Variants in PLCL2 observed in about 807,000 individuals in gnomAD.
PLCL2 encodes the protein phospholipase C like 2.
Under a neutral mutation model 79.6 loss-of-function variants are expected in PLCL2, and 4 were observed. The ratio of observed to expected loss-of-function variants is 0.05; its 90% CI spans 0.02 to 0.11. The LOEUF (loss-of-function observed/expected upper bound fraction) is 0.11, where lower values mean the gene tolerates loss of function less well. Ranked by LOEUF, PLCL2 falls within the 10% of genes least tolerant of loss-of-function variation. PLCL2 has a pLI of 1.00. For missense variants in PLCL2, 895 were observed against 1,291.0 expected, an observed-to-expected ratio of 0.69 and a Z score of 4.70; for synonymous variants, 484 against 457.7, an observed-to-expected ratio of 1.06 and a Z score of -0.73.
intron 1 of PLCL2, among the ~76,000 whole-genome samples, chr3:17,001,624 G>A (rs902065157): frequency 2.0e-5 from 3 of 152,020 alleles, no homozygotes; most frequent in Non-Finnish European, 4.4e-5. Context: ...TTTCCTTAAT[G>A]TATGTTCTTG....
chr3:16,993,710 CT>C (rs1325168505), intron 1 of PLCL2, among the ~76,000 whole-genome samples: 1 of 152,118 alleles, frequency 6.6e-6, no homozygotes, highest in Non-Finnish European at 1.5e-5. Flanking sequence ...CATTATAATA[CT>C]TTTATGTAAA....
At chr3:17,088,488 A>G (rs962955122) in intron 5 of PLCL2, among the ~76,000 whole-genome samples, 2 of 152,220 alleles carry the variant, frequency 1.3e-5, no homozygotes, top group African/African-American at 4.8e-5. Context: ...GTGTAAGTAG[A>G]AAAAACTGTT....
At chr3:16,923,647 A>G (rs1697176414) in intron 1 of PLCL2, among the ~76,000 whole-genome samples, 1 of 151,866 alleles carries the variant, frequency 6.6e-6, no homozygotes, top group Non-Finnish European at 1.5e-5. Flanking sequence ...ATTAAACATT[A>G]TTTTTCATTT....
intron 1 of PLCL2, among the ~76,000 whole-genome samples, chr3:16,931,114 T>C (rs563478221): frequency 6.6e-6 from 1 of 152,074 alleles, no homozygotes; most frequent in South Asian, 2.1e-4. Context: ...CTGAACCTCC[T>C]TCCCAGGAAG....
In PLCL2 at chr3:17,010,234, C is replaced by G. The variant is rs1391655305; in HGVS notation, c.888C>G (p.Ile296Met). Residue 296 changes from isoleucine to methionine, a missense_variant, in exon 2 of 6, where the codon ATC becomes ATG. Physicochemically the swap from Ile to Met is conservative, Grantham distance 10. Around this residue, in one of 6 missense-constraint regions of PLCL2, gnomAD observed 93 missense variants for 93.2 expected, o/e 1.00. Coordinates refer to ENST00000615277, the MANE Select transcript of PLCL2 (RefSeq NM_001144382.2). The surrounding 1 kb of genome is among the most constrained non-coding windows in gnomAD (Gnocchi z 5.8). ...CTCTGTGTAATGCTGTGCAATGTAT[C>G]AGAAACCTCAATCCTGGTTTAAAAA... ...HITLCNAVQC[I>M]RNLNPGLKTS... 6.2e-7 allele frequency: 1 copy of G among 1,613,730 alleles called. No individual in the cohort carries two copies. The highest frequency in any genetic ancestry group is 8.5e-7 in the Non-Finnish European group (1 of 1,179,776).
intron 1 of PLCL2, among the ~76,000 whole-genome samples, chr3:17,007,991 C>A (rs1173982477): frequency 6.6e-6 from 1 of 152,102 alleles, no homozygotes; most frequent in Non-Finnish European, 1.5e-5. Flanking sequence ...ATAAAGGTCT[C>A]CATACAAGGA....
intron 3 of PLCL2, among the ~76,000 whole-genome samples, chr3:17,034,273 T>A (rs1032423983): frequency 6.6e-6 from 1 of 152,136 alleles, no homozygotes; most frequent in African/African-American, 2.4e-5. Context: ...TGCGATGGGA[T>A]GGCATCCTGT....
intron 1 of PLCL2, among the ~76,000 whole-genome samples, chr3:16,978,378 T>C (rs1244897201): frequency 6.6e-6 from 1 of 152,252 alleles, no homozygotes; most frequent in Admixed American, 6.5e-5. Flanking sequence ...AGTAAGATGC[T>C]TTGCTCTGGA....
chr3:17,034,553 T>C (rs1165682565), intron 3 of PLCL2, among the ~76,000 whole-genome samples: 1 of 152,242 alleles, frequency 6.6e-6, no homozygotes, highest in African/African-American at 2.4e-5. Flanking sequence ...ACCACCACTA[T>C]GACTACTGTC....
chr3:16,958,769 T>A (rs567682405), intron 1 of PLCL2, among the ~76,000 whole-genome samples: 278 of 152,352 alleles, frequency 1.8e-3, no homozygotes, highest in Middle Eastern at 3.4e-3. Context: ...TATAAGTATT[T>A]GTTTAATAAA....
chr3:16,920,594 C>CACT (rs1433143484), intron 1 of PLCL2, among the ~76,000 whole-genome samples: 1 of 152,142 alleles, frequency 6.6e-6, no homozygotes, highest in Non-Finnish European at 1.5e-5. Context: ...GGCTATTACA[C>CACT]ACTAGCATGG....
intron 3 of PLCL2, among the ~76,000 whole-genome samples, chr3:17,037,420 C>T (rs1446145358): frequency 1.3e-5 from 2 of 152,196 alleles, no homozygotes; most frequent in African/African-American, 4.8e-5. Flanking sequence ...TGGAAAGATA[C>T]TTCCCTGTTA....
chr3:16,930,833 T>C (rs1162488741), intron 1 of PLCL2, among the ~76,000 whole-genome samples: 1 of 152,198 alleles, frequency 6.6e-6, no homozygotes, highest in Non-Finnish European at 1.5e-5. Context: ...AGTTCCTATG[T>C]CCATTAATGA....
chr3:16,985,310 G>A (rs553559968), intron 1 of PLCL2, among the ~76,000 whole-genome samples: 1 of 152,140 alleles, frequency 6.6e-6, no homozygotes, highest in East Asian at 1.9e-4. Context: ...TCCACTACAT[G>A]CTTTTCTAGT....
At position 16,885,096 on chromosome 3, in the gene PLCL2, C is replaced by T. The variant is rs767311632; in HGVS notation, c.57C>T (p.Gly19=). 2.3e-6 allele frequency: 1 copy of T among 444,012 alleles called. No individual in the cohort carries two copies. The highest frequency in any genetic ancestry group is 4.4e-5 in the Admixed American group (1 of 22,630). The allele number at this position is 444,012 out of a possible 1,614,324, so 27.5% of individuals were successfully genotyped here. A position where few individuals can be genotyped will look rare whatever the true frequency, so the allele number is the denominator to read the frequency against. ...AAGGALPTSP[G]PALGAKGALK... ...GCGGGGCCCTGCCCACCTCCCCGGG[C>T]CCGGCCCTCGGCGCCAAGGGCGCCC... Residue 19 remains glycine, a synonymous_variant, in exon 1 of 6, where the codon GGC becomes GGT. Coordinates refer to ENST00000615277, the MANE Select transcript of PLCL2 (RefSeq NM_001144382.2).
intron 1 of PLCL2, among the ~76,000 whole-genome samples, chr3:16,908,899 G>A (rs1265094697): frequency 6.6e-6 from 1 of 152,176 alleles, no homozygotes; most frequent in Non-Finnish European, 1.5e-5. Flanking sequence ...TTCTGAAGAT[G>A]TGTAATTTGG....
At chr3:16,963,709 A>G (rs886185036) in intron 1 of PLCL2, among the ~76,000 whole-genome samples, 11 of 152,226 alleles carry the variant, frequency 7.2e-5, no homozygotes, top group Non-Finnish European at 1.6e-4. Flanking sequence ...ATCATCTCTC[A>G]GAATAACCTA....
intron 3 of PLCL2, among the ~76,000 whole-genome samples, chr3:17,019,060 A>T (rs2064416682): frequency 6.6e-6 from 1 of 152,356 alleles, no homozygotes; most frequent in East Asian, 1.9e-4. Context: ...GAATTATTTG[A>T]ATCTTCAAAG....
At chr3:17,045,046 C>T (rs963941175) in intron 4 of PLCL2, among the ~76,000 whole-genome samples, 5 of 152,116 alleles carry the variant, frequency 3.3e-5, no homozygotes, top group Admixed American at 3.3e-4. Context: ...CTTCTGTTAT[C>T]CCAAGTACTT....
Sources: allele counts gnomAD v4.1 joint callset (sites outside exome capture counted in the v4.1 genomes callset), GRCh38; gene constraint gnomAD v4.1.1; regional missense constraint gnomAD v4.1.1; non-coding constraint Gnocchi (gnomAD v3.1); transcripts MANE v1.5; gene names NCBI Gene and HGNC (gene_info 2026-07-23, HGNC 2026-07-21).